NFATC3: variants seen among roughly 807,000 people sequenced by gnomAD.
NFATC3 encodes nuclear factor of activated T-cells, cytoplasmic 3.
A neutral mutation model predicts 98.6 loss-of-function variants in NFATC3; 46 were observed. That is an observed-to-expected ratio of 0.47 (90% CI 0.37 to 0.60). The LOEUF (loss-of-function observed/expected upper bound fraction) is 0.60, where lower values mean the gene tolerates loss of function less well. Ranked by LOEUF, NFATC3 falls within the 20% of genes least tolerant of loss-of-function variation. The pLI is 0.00. For synonymous variants in NFATC3, 512 were observed against 472.2 expected (o/e 1.08, Z -1.09); for missense variants, 1,256 against 1,295.5 (o/e 0.97, Z 0.47).
At chr16:68,215,210 A>G (rs1203217138) in intron 9 of NFATC3, among the ~76,000 whole-genome samples, 3 of 152,190 alleles carry the variant, frequency 2.0e-5, no homozygotes, top group Non-Finnish European at 4.4e-5. Flanking sequence ...CTGATGACCT[A>G]TCAGACAAGA....
chr16:68,089,288 G>A (rs1598335820), intron 1 of NFATC3: 2 of 985,212 alleles, frequency 2.0e-6, no homozygotes, highest in Non-Finnish European at 2.4e-6. Context: ...ATTAGATGAT[G>A]TGAGATGGAC....
At chr16:68,170,985 G>A (rs2039432067) in intron 5 of NFATC3, among the ~76,000 whole-genome samples, 3 of 151,998 alleles carry the variant, frequency 2.0e-5, no homozygotes, top group Admixed American at 6.6e-5. Flanking sequence ...TTTTTGGCAT[G>A]TTTATGCCAT....
At chr16:68,121,956 G>GT (rs2036604613) in intron 1 of NFATC3, 31 bp from the exon 2 acceptor site, 2 of 1,479,116 alleles carry the variant, frequency 1.4e-6, no homozygotes, top group Non-Finnish European at 1.8e-6. Context: ...TGTTTTGTTG[G>GT]GTTTTTTTTT....
intron 9 of NFATC3, among the ~76,000 whole-genome samples, chr16:68,218,967 G>A (rs1377008039): frequency 2.6e-5 from 4 of 152,038 alleles, no homozygotes; most frequent in Admixed American, 1.3e-4. Context: ...GGCTGGGCAC[G>A]GTGATTCATG....
intron 4 of NFATC3, among the ~76,000 whole-genome samples, chr16:68,163,032 C>T (rs1367946211): frequency 6.6e-6 from 1 of 152,042 alleles, no homozygotes; most frequent in East Asian, 1.9e-4. Context: ...TGAGTGGACA[C>T]AGCACATGTT....
chr16:68,228,152 T>G lies in NFATC3; in HGVS notation c.*1681T>G, dbSNP rs2042072523. The G allele has an allele frequency of 6.6e-6, 1 of 152,188 alleles. No homozygotes were observed. Among genetic ancestry groups the G allele is most frequent in the South Asian group, 2.1e-4 (1 of 4,834 alleles). 9.4% of individuals were successfully genotyped at this position (152,188 alleles called of 1,614,324 possible). A position where few individuals can be genotyped will look rare whatever the true frequency, so the allele number is the denominator to read the frequency against. On this transcript the variant is annotated 3_prime_UTR_variant, in exon 10 of 10. Coordinates refer to ENST00000346183, the MANE Select transcript of NFATC3 (RefSeq NM_173165.3). The stretch of plus-strand genomic sequence containing the variant: ...TGGTCTTTAAAAAAAACAAAATATA[T>G]TTTAGATTTCTCCCCTAAAGTTAGT...
In NFATC3 at chr16:68,085,562, G is replaced by C; in HGVS notation, c.-120G>C. 1.2e-6 allele frequency: 1 copy of C among 811,428 alleles called. No individual in the cohort carries two copies. The highest frequency in any genetic ancestry group is 2.1e-5 in the South Asian group (1 of 48,418). 50.3% of individuals were successfully genotyped at this position (811,428 alleles called of 1,614,324 possible). A position where few individuals can be genotyped will look rare whatever the true frequency, so the allele number is the denominator to read the frequency against. On this transcript the variant is annotated 5_prime_UTR_variant, in exon 1 of 10. Coordinates refer to ENST00000346183, the MANE Select transcript of NFATC3 (RefSeq NM_173165.3). ...GGCCCCGCCCGGAAAGTTTGCCGTG[G>C]AGTCGCGACCTCTTGGCCCGCGCGG... is the stretch of plus-strand genomic sequence containing the variant.
At chr16:68,226,027 A>C (rs2042025615) in intron 9 of NFATC3, 1 of 185,942 alleles carries the variant, frequency 5.4e-6, no homozygotes, top group Non-Finnish European at 1.1e-5. Flanking sequence ...CATTGTAGAA[A>C]ATAAAAACTT....
Position 68,085,594 on chromosome 16 carries a change from A to G in NFATC3, c.-88A>G, listed in dbSNP as rs764160008. The stretch of plus-strand genomic sequence containing the variant: ...GACCTCTTGGCCCGCGCGGCCCGGC[A>G]TGAAGCGGCGTTGAGGAGCTGCTGC... On this transcript the variant is annotated 5_prime_UTR_variant, in exon 1 of 10. It removes an upstream start codon present in the reference 5' UTR. Transcript: ENST00000346183. 1 of 1,200,820 alleles carries G rather than the reference A, an allele frequency of 8.3e-7. No individual in the cohort carries two copies. Among genetic ancestry groups the G allele is most frequent in the Non-Finnish European group, 1.1e-6 (1 of 893,552 alleles). The allele number at this position is 1,200,820 out of a possible 1,614,324, so 74.4% of individuals were successfully genotyped here.
At position 68,228,075 on chromosome 16, in the gene NFATC3, CCA is replaced by C. The variant is rs1250481181; in HGVS notation, c.*1606_*1607del. 6.6e-6 allele frequency: 1 copy of C among 152,102 alleles called. No homozygotes were observed. The highest frequency in any genetic ancestry group is 1.5e-5 in the Non-Finnish European group (1 of 68,048). The allele number at this position is 152,102 out of a possible 1,614,324, so 9.4% of individuals were successfully genotyped here. ...CTGGGAAAGGGAGCTGGCCTATTGCCCACCACCTGTTGTCAGTAGGTTAGGAG... is the reference window on the plus strand; with the variant it reads ...CTGGGAAAGGGAGCTGGCCTATTGCCCCACCTGTTGTCAGTAGGTTAGGAG... On this transcript the variant is annotated 3_prime_UTR_variant, in exon 10 of 10. Coordinates refer to ENST00000346183, the MANE Select transcript of NFATC3 (RefSeq NM_173165.3).
intron 1 of NFATC3, chr16:68,089,038 G>A: frequency 1.0e-6 from 1 of 985,442 alleles, no homozygotes; most frequent in Admixed American, 6.1e-5. Context: ...CGTGGTAGAG[G>A]AAATTGACGA....
intron 9 of NFATC3, chr16:68,192,060 T>C (rs2040430146): frequency 7.4e-6 from 2 of 270,608 alleles, no homozygotes; most frequent in Admixed American, 9.9e-5. Flanking sequence ...TACAAAAAAT[T>C]AGCCAGGCAT....
intron 6 of NFATC3, among the ~76,000 whole-genome samples, chr16:68,176,067 C>T (rs999957120): frequency 1.3e-5 from 2 of 151,140 alleles, no homozygotes; most frequent in East Asian, 4.0e-4. Context: ...CAACCTCCAC[C>T]TCCGTGTTCA....
At chr16:68,103,720 A>G (rs567667736) in intron 1 of NFATC3, among the ~76,000 whole-genome samples, 13 of 152,218 alleles carry the variant, frequency 8.5e-5, no homozygotes, top group African/African-American at 3.1e-4. Context: ...TAATTTTTGT[A>G]TATGGTATGA....
At chr16:68,085,932 A>G in intron 1 of NFATC3, 148 bp downstream of exon 1, 1 of 575,948 alleles carries the variant, frequency 1.7e-6, no homozygotes, top group Middle Eastern at 2.8e-4. Context: ...TTAAAAACGG[A>G]TTTAAATCGC....
chr16:68,146,422 G>A (rs1305435222), intron 3 of NFATC3, among the ~76,000 whole-genome samples: 2 of 151,182 alleles, frequency 1.3e-5, no homozygotes, highest in Non-Finnish European at 2.9e-5. Flanking sequence ...AAAAAAAAAA[G>A]GATTTTTTTT....
chr16:68,127,998 G>GT (rs765483336), intron 3 of NFATC3, among the ~76,000 whole-genome samples: 9 of 151,156 alleles, frequency 6.0e-5, no homozygotes, highest in East Asian at 1.9e-4. Flanking sequence ...ATTTCATTAA[G>GT]TTTTTTTTTG....
chr16:68,141,328 T>C (rs1348971365), intron 3 of NFATC3, among the ~76,000 whole-genome samples: 4 of 152,214 alleles, frequency 2.6e-5, no homozygotes, highest in Admixed American at 6.5e-5. Context: ...TACCTGGTAG[T>C]GGGATGGTCG....
At chr16:68,157,273 G>A (rs897795262) in intron 3 of NFATC3, among the ~76,000 whole-genome samples, 2 of 151,766 alleles carry the variant, frequency 1.3e-5, no homozygotes, top group African/African-American at 4.8e-5. Context: ...TGTTGAAATT[G>A]TTTGCTTAAA....
Sources: allele counts gnomAD v4.1 joint callset (sites outside exome capture counted in the v4.1 genomes callset), GRCh38; gene constraint gnomAD v4.1.1; transcripts MANE v1.5; gene names NCBI Gene and HGNC (gene_info 2026-07-23, HGNC 2026-07-21).